The following NBEAL1 variants were observed in gnomAD, a reference collection of about 807,000 sequenced individuals.
NBEAL1 encodes neurobeachin like 1, also known as neurobeachin-like protein 1.
In NBEAL1, 273 loss-of-function variants were observed where a neutral mutation model predicts 351.3. That is an observed-to-expected ratio of 0.78 (90% CI 0.70 to 0.86). NBEAL1 has a LOEUF of 0.86. Ranked by LOEUF, NBEAL1 falls within the 40% of genes least tolerant of loss-of-function variation. NBEAL1 has a pLI of 0.00. For synonymous variants in NBEAL1, 1,050 were observed against 1,086.4 expected (o/e 0.97, Z 0.66); for missense variants, 2,961 against 3,201.3 (o/e 0.92, Z 1.81).
chr2:203,109,839 G>C (rs2062522690), intron 14 of NBEAL1, among the ~76,000 whole-genome samples: 2 of 152,130 alleles, frequency 1.3e-5, no homozygotes, highest in Non-Finnish European at 2.9e-5. Context: ...TGATTTTAAA[G>C]ACCTTTATTT....
chr2:203,172,240 G>A (rs1435256243), intron 40 of NBEAL1, among the ~76,000 whole-genome samples: 1 of 152,006 alleles, frequency 6.6e-6, no homozygotes, highest in Non-Finnish European at 1.5e-5. Flanking sequence ...TATCCAGTGG[G>A]GCAGGTGCGG....
intron 16 of NBEAL1, 21 bp downstream of exon 16, chr2:203,112,119 C>G (rs2062587252): frequency 6.5e-7 from 1 of 1,540,954 alleles, no homozygotes; most frequent in African/African-American, 1.4e-5. Context: ...CCAACCTACT[C>G]TTTACGGGCC....
chr2:203,058,491 C>A (rs900356299), intron 6 of NBEAL1, among the ~76,000 whole-genome samples: 3 of 152,190 alleles, frequency 2.0e-5, no homozygotes, highest in African/African-American at 7.2e-5. Context: ...AGAATCTAGA[C>A]TTTTGGAGAA....
chr2:203,163,635 G>A (rs188474364), intron 36 of NBEAL1, among the ~76,000 whole-genome samples: 24 of 152,052 alleles, frequency 1.6e-4, no homozygotes, highest in Admixed American at 1.0e-3. Context: ...TAATTTTACC[G>A]GTTCCAGAAA....
chr2:203,135,848 A>G lies in NBEAL1; in HGVS notation c.3985A>G (p.Thr1329Ala), dbSNP rs138630576. 236 of 1,614,102 alleles carry G rather than the reference A, an allele frequency of 1.5e-4. No individual in the cohort carries two copies. The Middle Eastern group carries it at 7.4e-3, about 51-fold the overall frequency. The change falls in exon 28 of 56, where the codon ACT becomes GCT. Residue 1329 changes from threonine (T) to alanine (A), a missense_variant. By Grantham distance (58) the Thr-to-Ala change is moderately conservative (BLOSUM62 0). Coordinates refer to ENST00000683969, the MANE Select transcript of NBEAL1 (RefSeq NM_001378026.1). Reference protein sequence around the residue: ...LMKDNDKNMSTEDTKKNSDEK... With the variant: ...LMKDNDKNMSAEDTKKNSDEK... The stretch of plus-strand genomic sequence containing the variant: ...GAAAGACAATGATAAAAATATGTCA[A>G]CTGAAGATACCAAGAAGAACTCTGA...
rs2065926082 is a variant in NBEAL1 at position 203,219,049 on chromosome 2, G to A, written c.*1695G>A. 6.6e-6 allele frequency: 1 copy of A among 152,134 alleles called. No individual in the cohort carries two copies. The highest frequency in any genetic ancestry group is 2.4e-5 in the African/African-American group (1 of 41,436). 9.4% of individuals were successfully genotyped at this position (152,134 alleles called of 1,614,324 possible). ...GTAGCAATAATTATGATGCATAAAT[G>A]AGACTGGCATCTATTCATTTATTTT... On this transcript the variant is annotated 3_prime_UTR_variant, in exon 56 of 56. Transcript: ENST00000683969.
Position 203,110,198 on chromosome 2 carries a change from A to G in NBEAL1, c.1998A>G (p.Ser666=), listed in dbSNP as rs1261462136. The G allele has an allele frequency of 1.9e-6, 3 of 1,553,526 alleles. No individual in the cohort carries two copies. The highest frequency in any genetic ancestry group is 2.6e-6 in the Non-Finnish European group (3 of 1,147,422). ...GMGFEAFITH[S]GMLVVAVCTK... The stretch of plus-strand genomic sequence containing the variant: ...GTTTTGAAGCCTTTATTACCCATTC[A>G]GGTATGTTGGTCGTGGCAGTGTGCA... Residue 666 remains serine (S), a synonymous_variant, in exon 15 of 56, where the codon TCA becomes TCG. Coordinates refer to ENST00000683969, the MANE Select transcript of NBEAL1 (RefSeq NM_001378026.1).
chr2:203,115,310 G>A (rs72934546), intron 17 of NBEAL1, among the ~76,000 whole-genome samples: 14,013 of 151,478 alleles, frequency 0.093, 759 homozygotes, highest in Non-Finnish European at 0.13. Flanking sequence ...TTTAGTAGAC[G>A]TGGGGTTTTT....
intron 4 of NBEAL1, among the ~76,000 whole-genome samples, chr2:203,053,786 G>A (rs2106084005): frequency 6.6e-6 from 1 of 152,112 alleles, no homozygotes; most frequent in East Asian, 1.9e-4. Context: ...CCAAAATATT[G>A]GGATTACAGG....
intron 2 of NBEAL1, among the ~76,000 whole-genome samples, chr2:203,025,912 C>T (rs1008905068): frequency 6.6e-6 from 1 of 151,728 alleles, no homozygotes; most frequent in Non-Finnish European, 1.5e-5. Flanking sequence ...TTTCCTTTTG[C>T]TGTATCTGAA....
At chr2:203,143,469 A>G (rs2063433528) in intron 31 of NBEAL1, among the ~76,000 whole-genome samples, 1 of 152,194 alleles carries the variant, frequency 6.6e-6, no homozygotes, top group South Asian at 2.1e-4. Flanking sequence ...TTGCTCATAT[A>G]GTTTAGAATT....
chr2:203,148,908 A>G, intron 33 of NBEAL1, 83 bp from the exon 34 acceptor site: 3 of 1,283,118 alleles, frequency 2.3e-6, no homozygotes, highest in Non-Finnish European at 3.1e-6. Context: ...TTATTGGTCA[A>G]AAATTTTAAA....
rs1383653345 is a variant in NBEAL1 at position 203,199,465 on chromosome 2, T to C, written c.7238+18T>C. 3.9e-6 allele frequency: 5 copies of C among 1,272,466 alleles called. No individual in the cohort carries two copies. The highest frequency in any genetic ancestry group is 3.7e-5 in the South Asian group (3 of 81,942). The allele number at this position is 1,272,466 out of a possible 1,614,324, so 78.8% of individuals were successfully genotyped here. A position where few individuals can be genotyped will look rare whatever the true frequency, so the allele number is the denominator to read the frequency against. On this transcript the variant is annotated intron_variant, in intron 49 of 55. Transcript: ENST00000683969. ...AATCCAAAGTAAGTAAATGAATATG[T>C]AAAGCAAAATAGCTATACCAGATAC...
At chr2:203,063,698 C>A (rs1018322278) in intron 6 of NBEAL1, among the ~76,000 whole-genome samples, 1 of 151,966 alleles carries the variant, frequency 6.6e-6, no homozygotes, top group Non-Finnish European at 1.5e-5. Flanking sequence ...AGTAGGATTC[C>A]TTGCCTTGCC....
chr2:203,175,432 G>A, intron 42 of NBEAL1, 145 bp downstream of exon 42: 1 of 775,472 alleles, frequency 1.3e-6, no homozygotes, highest in Non-Finnish European at 2.0e-6. Context: ...GTTTGAGAAT[G>A]AGTCACTCAA....
In NBEAL1 at chr2:203,190,407, G is replaced by T; in HGVS notation, c.6921+18G>T. 2 of 1,541,200 alleles carry T rather than the reference G, an allele frequency of 1.3e-6. No individual in the cohort carries two copies. Among genetic ancestry groups the T allele is most frequent in the Non-Finnish European group, 1.8e-6 (2 of 1,124,340 alleles). Reference sequence around the variant, plus strand: ...TATTAAAGGTAAGTCAACAACTTAAGAAGTAGATTTAAGTCAACTTAAGAA... The same window carrying T: ...TATTAAAGGTAAGTCAACAACTTAATAAGTAGATTTAAGTCAACTTAAGAA... On this transcript the variant is annotated intron_variant, in intron 46 of 55. Coordinates refer to ENST00000683969, the MANE Select transcript of NBEAL1 (RefSeq NM_001378026.1).
At chr2:203,165,470 C>T (rs1027545875) in intron 36 of NBEAL1, among the ~76,000 whole-genome samples, 1 of 152,052 alleles carries the variant, frequency 6.6e-6, no homozygotes, top group African/African-American at 2.4e-5. Flanking sequence ...TCACAGATTC[C>T]TGTATTTTGT....
intron 38 of NBEAL1, among the ~76,000 whole-genome samples, chr2:203,169,236 A>G (rs1212162938): frequency 2.0e-5 from 3 of 152,240 alleles, no homozygotes; most frequent in East Asian, 1.9e-4. Context: ...AGGCAAACCC[A>G]TAGAGACAGA....
chr2:203,143,125 G>C (rs1050949613), intron 31 of NBEAL1, among the ~76,000 whole-genome samples: 2 of 152,180 alleles, frequency 1.3e-5, no homozygotes, highest in African/African-American at 4.8e-5. Flanking sequence ...TCCAAGTGAG[G>C]ATATAGGGTT....
Sources: gnomAD v4.1 joint callset for allele counts (sites outside exome capture counted in the v4.1 genomes callset) on GRCh38, gnomAD v4.1.1 for gene constraint, MANE v1.5 for transcripts, NCBI Gene and HGNC (gene_info 2026-07-23, HGNC 2026-07-21) for gene names.